The following ANK2 variants were observed in gnomAD, a reference collection of about 807,000 sequenced individuals.
ANK2 encodes ankyrin-2.
A neutral mutation model predicts 360.5 loss-of-function variants in ANK2; 83 were observed. The observed-to-expected ratio is 0.23, with a 90% CI of 0.19 to 0.28. ANK2 has a LOEUF of 0.28. Ranked by LOEUF, ANK2 falls within the 10% of genes least tolerant of loss-of-function variation. The pLI is 1.00. For missense variants in ANK2, 4,201 were observed against 4,795.7 expected (o/e 0.88, Z 3.66); for synonymous variants, 1,740 against 1,759.5 (o/e 0.99, Z 0.28).
intron 1 of ANK2, among the ~76,000 whole-genome samples, chr4:112,841,629 C>G (rs1425086334): frequency 6.6e-6 from 1 of 152,146 alleles, no homozygotes; most frequent in East Asian, 1.9e-4. Context: ...GCCCAAATGG[C>G]CTGACAAATT....
chr4:113,090,678 T>A (rs2087478872), intron 1 of ANK2, among the ~76,000 whole-genome samples: 1 of 152,224 alleles, frequency 6.6e-6, no homozygotes, highest in South Asian at 2.1e-4. Flanking sequence ...ATTGAGTTAG[T>A]TGCCAATGTT....
At chr4:113,067,810 A>G (rs1174742032) in intron 1 of ANK2, among the ~76,000 whole-genome samples, 1 of 152,214 alleles carries the variant, frequency 6.6e-6, no homozygotes, top group African/African-American at 2.4e-5. Context: ...CACTTTACAT[A>G]TGTGGCCCCA....
chr4:112,889,407 G>A (rs1401416476), intron 1 of ANK2, among the ~76,000 whole-genome samples: 1 of 152,028 alleles, frequency 6.6e-6, no homozygotes, highest in Non-Finnish European at 1.5e-5. Flanking sequence ...GCTCTACATG[G>A]CCTATGCTCA....
chr4:112,851,513 T>G (rs1466018782), intron 1 of ANK2, among the ~76,000 whole-genome samples: 1 of 152,198 alleles, frequency 6.6e-6, no homozygotes, highest in Non-Finnish European at 1.5e-5. Flanking sequence ...CACATTCTCC[T>G]CAAAGCTACT....
chr4:113,320,253 C>T (rs1264683644), intron 26 of ANK2, among the ~76,000 whole-genome samples: 1 of 152,148 alleles, frequency 6.6e-6, no homozygotes, highest in Non-Finnish European at 1.5e-5. Flanking sequence ...TCTTTAAATT[C>T]ATAGTCTTTA....
At position 113,357,643 on chromosome 4, in the gene ANK2, G is replaced by C; in HGVS notation, c.9025G>C (p.Asp3009His). 1 of 1,614,156 alleles carries C rather than the reference G, an allele frequency of 6.2e-7. No homozygotes were observed. Among genetic ancestry groups the C allele is most frequent in the Non-Finnish European group, 8.5e-7 (1 of 1,179,984 alleles). The change falls in exon 38 of 46, where the codon GAC (aspartate) becomes CAC (histidine). Residue 3009 changes from aspartate (D) to histidine (H), a missense_variant. Asp to His is a moderately conservative substitution (Grantham distance 81). Transcript: ENST00000357077. ...AAGTACCTTGTGGGAAATGCAATCAGACAGTGTCTCTTCATCTTTCGAGCC... is the reference window on the plus strand; with the variant it reads ...AAGTACCTTGTGGGAAATGCAATCACACAGTGTCTCTTCATCTTTCGAGCC... ...QESTLWEMQS[D>H]SVSSSFEPTM...
chr4:112,728,987 A>T, the ANK2 span, among the ~76,000 whole-genome samples: 1 of 152,122 alleles, frequency 6.6e-6, no homozygotes. Context: ...TGGTAGGTCT[A>T]CATCAGCCCA....
At chr4:112,912,782 G>T (rs1193663737) in intron 2 of ANK2, among the ~76,000 whole-genome samples, 1 of 152,046 alleles carries the variant, frequency 6.6e-6, no homozygotes, top group Non-Finnish European at 1.5e-5. Context: ...GGGAGGCTGA[G>T]GTGGGAGGAT....
chr4:113,341,583 C>G, intron 32 of ANK2, 105 bp from the exon 33 acceptor site: 1 of 1,202,216 alleles, frequency 8.3e-7, no homozygotes, highest in East Asian at 2.4e-5. Context: ...TTCCTTTTTT[C>G]CAAGAAGCAT....
At chr4:113,277,212 C>T (rs578004911) in intron 15 of ANK2, among the ~76,000 whole-genome samples, 46 of 152,264 alleles carry the variant, frequency 3.0e-4, no homozygotes, top group African/African-American at 5.8e-4. Flanking sequence ...AGAAGTAGAA[C>T]GTATTTTACA....
chr4:112,713,818 C>T, the ANK2 span, among the ~76,000 whole-genome samples: 19 of 150,876 alleles, frequency 1.3e-4, no homozygotes, highest in Non-Finnish European at 2.2e-4. Flanking sequence ...CCTGTAGTCC[C>T]AGCTACTCGG....
intron 2 of ANK2, among the ~76,000 whole-genome samples, chr4:113,027,369 G>A (rs755513347): frequency 6.6e-6 from 1 of 152,110 alleles, no homozygotes; most frequent in East Asian, 1.9e-4. Context: ...TCCCAGGAAT[G>A]AATCCTTAAA....
At chr4:113,091,364 G>A (rs1229924881) in intron 1 of ANK2, among the ~76,000 whole-genome samples, 1 of 152,140 alleles carries the variant, frequency 6.6e-6, no homozygotes, top group Non-Finnish European at 1.5e-5. Context: ...CTAAATAGTA[G>A]ACCTTTCTTT....
intron 2 of ANK2, among the ~76,000 whole-genome samples, chr4:113,012,843 G>A (rs759364102): frequency 5.3e-5 from 8 of 152,054 alleles, no homozygotes; most frequent in Admixed American, 1.3e-4. Flanking sequence ...TGGGTGCGTC[G>A]TTCATGAGCA....
At chr4:112,961,082 G>A (rs2034583726) in intron 2 of ANK2, among the ~76,000 whole-genome samples, 1 of 149,302 alleles carries the variant, frequency 6.7e-6, no homozygotes, top group Non-Finnish European at 1.5e-5. Context: ...TTTGAAACTG[G>A]TGGGCTTAAT....
At chr4:113,319,136 G>T (rs1464332178) in intron 26 of ANK2, among the ~76,000 whole-genome samples, 1 of 152,068 alleles carries the variant, frequency 6.6e-6, no homozygotes, top group Non-Finnish European at 1.5e-5. Flanking sequence ...GAATTTGAAC[G>T]CAATCAGTCA....
Position 112,924,939 on chromosome 4 carries a change from C to A in ANK2, c.21+20425C>A, listed in dbSNP as rs972629609. Among the ~76,000 whole-genome samples, 4 of 151,170 alleles carry A rather than the reference C, an allele frequency of 2.6e-5. No homozygotes were observed. In the East Asian group the frequency reaches 7.8e-4, roughly 29 times the overall value. ...TTGCAAGCTCCACCTCCCCGGTTCACGCAATCCTACTGCCTCAGCCTCCTG... is the reference window on the plus strand; with the variant it reads ...TTGCAAGCTCCACCTCCCCGGTTCAAGCAATCCTACTGCCTCAGCCTCCTG... On this transcript the variant is annotated intron_variant, in intron 2 of 30. Coordinates refer to the ANK2 transcript ENST00000503271.
At chr4:113,045,356 G>A (rs1027695456), upstream of ANK2, among the ~76,000 whole-genome samples, 3 of 152,120 alleles carry the variant, frequency 2.0e-5, no homozygotes, top group South Asian at 4.1e-4. Context: ...TTCCATCTTA[G>A]TCTTTGTCCA....
intron 2 of ANK2, among the ~76,000 whole-genome samples, chr4:112,928,307 A>G (rs940032823): frequency 6.6e-6 from 1 of 152,086 alleles, no homozygotes; most frequent in African/African-American, 2.4e-5. Flanking sequence ...CTTAAATAGA[A>G]AAATAGTATG....
Sources: gnomAD v4.1 joint callset for allele counts (sites outside exome capture counted in the v4.1 genomes callset) on GRCh38, gnomAD v4.1.1 for gene constraint, MANE v1.5 for transcripts, NCBI Gene and HGNC (gene_info 2026-07-23, HGNC 2026-07-21) for gene names.